The following ASIC2 variants were observed in gnomAD, a reference collection of about 807,000 sequenced individuals.
The protein encoded by ASIC2 is acid sensing ion channel subunit 2, also known as acid-sensing ion channel 2.
Under a neutral mutation model 57.3 loss-of-function variants are expected in ASIC2, and 25 were observed. That is an observed-to-expected ratio of 0.44 (90% CI 0.32 to 0.61). The LOEUF (loss-of-function observed/expected upper bound fraction) is 0.61, where lower values mean the gene tolerates loss of function less well. Among genes scored for constraint, ASIC2 ranks in the 20% least tolerant of loss-of-function variants. The pLI, the probability that ASIC2 is intolerant of heterozygous loss-of-function variation, is 0.06. For synonymous variants in ASIC2, 319 were observed against 307.5 expected (o/e 1.04, Z -0.39); for missense variants, 641 against 738.1 (o/e 0.87, Z 1.52).
At chr17:33,567,459 G>A (rs1249733552) in intron 1 of ASIC2, among the ~76,000 whole-genome samples, 1 of 152,200 alleles carries the variant, frequency 6.6e-6, no homozygotes. Flanking sequence ...CCAGGGAAGG[G>A]TATGAGAGGA....
chr17:33,390,722 G>A (rs892411803), intron 1 of ASIC2, among the ~76,000 whole-genome samples: 2 of 152,216 alleles, frequency 1.3e-5, no homozygotes, highest in African/African-American at 4.8e-5. Context: ...CTCATAAAAG[G>A]GCAACTGGCT....
intron 3 of ASIC2, among the ~76,000 whole-genome samples, chr17:33,072,889 C>T (rs2092074825): frequency 6.6e-6 from 1 of 152,354 alleles, no homozygotes; most frequent in Admixed American, 6.5e-5. Flanking sequence ...ATCCACTCCC[C>T]CTGCTAGAAA....
intron 1 of ASIC2, among the ~76,000 whole-genome samples, chr17:33,712,155 G>A (rs1909056133): frequency 1.3e-5 from 2 of 152,138 alleles, no homozygotes; most frequent in African/African-American, 4.8e-5. Context: ...TTCTTTCAGG[G>A]GAGTTTCACT....
At chr17:33,066,532 A>T (rs1233150946) in intron 3 of ASIC2, among the ~76,000 whole-genome samples, 1 of 151,924 alleles carries the variant, frequency 6.6e-6, no homozygotes, top group African/African-American at 2.4e-5. Context: ...TCGGCTAAAA[A>T]CTCAGCGTCA....
intron 1 of ASIC2, chr17:34,038,789 T>G (rs1907988460): frequency 6.2e-7 from 1 of 1,611,842 alleles, no homozygotes; most frequent in Non-Finnish European, 8.5e-7. Flanking sequence ...GCTTTTCCAC[T>G]GTTTCTGCTC....
chr17:34,112,398 C>G (rs1911302972), intron 1 of ASIC2, among the ~76,000 whole-genome samples: 1 of 151,832 alleles, frequency 6.6e-6, no homozygotes, highest in Non-Finnish European at 1.5e-5. Context: ...AAATGATGAT[C>G]CTTCTCAAGC....
chr17:33,633,620 G>A (rs558873842), intron 1 of ASIC2, among the ~76,000 whole-genome samples: 2 of 152,228 alleles, frequency 1.3e-5, no homozygotes, highest in Admixed American at 6.5e-5. Flanking sequence ...CAGTATGTCC[G>A]GCAAAAAACA....
At chr17:33,987,208 G>A (rs167595) in intron 1 of ASIC2, among the ~76,000 whole-genome samples, 90,944 of 151,938 alleles carry the variant, frequency 0.6, 27,536 homozygotes, top group African/African-American at 0.64. Context: ...CAGGCAAGGT[G>A]CAGTTTTGAA....
At chr17:34,148,280 T>C (rs1263894021) in intron 1 of ASIC2, among the ~76,000 whole-genome samples, 1 of 152,176 alleles carries the variant, frequency 6.6e-6, no homozygotes, top group Non-Finnish European at 1.5e-5. Context: ...ATCAAAATAG[T>C]CAGCTCTCAG....
chr17:33,200,181 T>C (rs1049993285), intron 1 of ASIC2, among the ~76,000 whole-genome samples: 2 of 152,214 alleles, frequency 1.3e-5, no homozygotes, highest in African/African-American at 4.8e-5. Context: ...ATAACTGCAT[T>C]ACACTGAAAT....
chr17:33,795,010 T>G (rs1221546258), intron 1 of ASIC2, among the ~76,000 whole-genome samples: 1 of 152,160 alleles, frequency 6.6e-6, no homozygotes, highest in Non-Finnish European at 1.5e-5. Flanking sequence ...ACAATGGAAT[T>G]CAATTCAAGT....
chr17:33,404,849 C>G (rs1910411966), intron 1 of ASIC2, among the ~76,000 whole-genome samples: 1 of 152,132 alleles, frequency 6.6e-6, no homozygotes, highest in African/African-American at 2.4e-5. Flanking sequence ...TATTATATTA[C>G]CCATTATATT....
chr17:34,038,314 T>C, intron 1 of ASIC2: 9 of 1,610,402 alleles, frequency 5.6e-6, no homozygotes, highest in Admixed American at 1.7e-5. Flanking sequence ...ATTCTAATAC[T>C]GTACAAAACG....
intron 1 of ASIC2, among the ~76,000 whole-genome samples, chr17:34,022,602 C>A (rs116930091): frequency 0.065 from 9,487 of 146,360 alleles, 437 homozygotes; most frequent in East Asian, 0.16. Context: ...AGAGCTCCCA[C>A]AGTCTGGTCT....
At chr17:33,579,571 T>C (rs919892859) in intron 1 of ASIC2, among the ~76,000 whole-genome samples, 2 of 152,126 alleles carry the variant, frequency 1.3e-5, no homozygotes, top group African/African-American at 4.8e-5. Flanking sequence ...ACCCTACTGG[T>C]GAGTGTTACA....
chr17:33,912,900 A>G (rs552046256), intron 1 of ASIC2, among the ~76,000 whole-genome samples: 149 of 151,926 alleles, frequency 9.8e-4, no homozygotes, highest in Middle Eastern at 3.4e-3. Flanking sequence ...AATCGCTTGA[A>G]CCCAGGAGGC....
intron 1 of ASIC2, among the ~76,000 whole-genome samples, chr17:33,718,250 G>T (rs1285216431): frequency 6.6e-6 from 1 of 152,078 alleles, no homozygotes; most frequent in Non-Finnish European, 1.5e-5. Flanking sequence ...ATTTTTTATT[G>T]TTGTATTTTT....
intron 1 of ASIC2, among the ~76,000 whole-genome samples, chr17:33,198,813 C>T (rs1906742036): frequency 6.6e-6 from 1 of 152,200 alleles, no homozygotes; most frequent in Admixed American, 6.5e-5. Context: ...GGGTAAGATG[C>T]ATGGGAGCTA....
chr17:33,394,119 T>C (rs1909993522), intron 1 of ASIC2, among the ~76,000 whole-genome samples: 1 of 152,238 alleles, frequency 6.6e-6, no homozygotes, highest in Non-Finnish European at 1.5e-5. Flanking sequence ...TTTTATATTG[T>C]TATTCTCCAG....
Sources: gnomAD v4.1 joint callset for allele counts (sites outside exome capture counted in the v4.1 genomes callset) on GRCh38, gnomAD v4.1.1 for gene constraint, MANE v1.5 for transcripts, NCBI Gene and HGNC (gene_info 2026-07-23, HGNC 2026-07-21) for gene names.